The following CRYL1 variants were observed in gnomAD, a reference collection of about 807,000 sequenced individuals.
CRYL1 encodes lambda-crystallin homolog.
Under a neutral mutation model 36.6 loss-of-function variants are expected in CRYL1, and 29 were observed. That is an observed-to-expected ratio of 0.79 (90% CI 0.59 to 1.08). The LOEUF is 1.08. CRYL1 is among the 50% of genes least tolerant of loss of function. The pLI is 0.00. For synonymous variants in CRYL1, 152 were observed against 151.5 expected (o/e 1.00, Z -0.02); for missense variants, 411 against 407.9 (o/e 1.01, Z -0.06).
chr13:20,440,214 C>G (rs147026671), intron 3 of CRYL1, among the ~76,000 whole-genome samples: 7 of 152,316 alleles, frequency 4.6e-5, no homozygotes, highest in Admixed American at 2.0e-4. Flanking sequence ...AGAGGTTTCC[C>G]TGTGTCTTGG....
chr13:20,439,546 C>CAAAAAAAAAAAAAAAAAAA, intron 4 of CRYL1, 47 bp downstream of exon 4: 1 of 693,696 alleles, frequency 1.4e-6, no homozygotes. Flanking sequence ...AAAAAAAACA[C>CAAAAAAAAAAAAAAAAAAA]AGAATGAGAT....
At chr13:20,409,025 A>G (rs1187596981) in intron 6 of CRYL1, among the ~76,000 whole-genome samples, 1 of 152,194 alleles carries the variant, frequency 6.6e-6, no homozygotes, top group Non-Finnish European at 1.5e-5. Flanking sequence ...GAACCAAAAC[A>G]GAGCCCGCAT....
At chr13:20,460,673 C>A (rs1391004490) in intron 3 of CRYL1, among the ~76,000 whole-genome samples, 1 of 151,984 alleles carries the variant, frequency 6.6e-6, no homozygotes, top group African/African-American at 2.4e-5. Flanking sequence ...CTACAGGCGC[C>A]CGCCACTACG....
chr13:20,507,304 G>A (rs1224305789), intron 2 of CRYL1, among the ~76,000 whole-genome samples: 1 of 152,164 alleles, frequency 6.6e-6, no homozygotes, highest in East Asian at 1.9e-4. Context: ...AATCCATAAA[G>A]TTTTATTGGA....
At chr13:20,518,824 A>G (rs996687530) in intron 1 of CRYL1, among the ~76,000 whole-genome samples, 3 of 152,322 alleles carry the variant, frequency 2.0e-5, no homozygotes, top group Admixed American at 2.0e-4. Context: ...AGTACAGCCA[A>G]GAAGAATTGC....
rs2032189247 is a variant in CRYL1, at chr13:20,435,462, T to TCTCC, written c.439-3170_439-3167dup. Among the ~76,000 whole-genome samples, 1 of 151,816 alleles carries TCTCC rather than the reference T, an allele frequency of 6.6e-6. No individual in the cohort carries two copies. The highest frequency in any genetic ancestry group is 2.4e-5 in the African/African-American group (1 of 41,262). On this transcript the variant is annotated intron_variant, in intron 4 of 7. Transcript: ENST00000298248. This position sits in a 1 kb window ranked among gnomAD's most constrained non-coding sequence, Gnocchi z 4.0. ...AGCCGCCGCAAAAGGACCTTCGAGGTCTCCCGGCTGGGAAACAGTCTCCCT... is the reference window on the plus strand; with the variant it reads ...AGCCGCCGCAAAAGGACCTTCGAGGTCTCCCTCCCGGCTGGGAAACAGTCTCCCT...
At chr13:20,513,409 G>C (rs999250748) in intron 1 of CRYL1, 1 of 152,286 alleles carries the variant, frequency 6.6e-6, no homozygotes, top group African/African-American at 2.4e-5. Context: ...ATTTCAGCAT[G>C]GATTAGGTAT....
intron 5 of CRYL1, among the ~76,000 whole-genome samples, chr13:20,419,818 CAT>C (rs1405039208): frequency 3.9e-5 from 6 of 152,212 alleles, no homozygotes; most frequent in African/African-American, 7.2e-5. Flanking sequence ...ACTGTACCCA[CAT>C]GTTTTCGTTT....
rs1293925272 is a variant in CRYL1, at chr13:20,449,235, A to T, written c.277-9481T>A. Among the ~76,000 whole-genome samples, 3 of 152,328 alleles carry T rather than the reference A, an allele frequency of 2.0e-5. No homozygotes were observed. In the South Asian group the frequency reaches 6.2e-4, roughly 32 times the overall value. On this transcript the variant is annotated intron_variant, in intron 3 of 7. Coordinates refer to ENST00000298248, the MANE Select transcript of CRYL1 (RefSeq NM_015974.3). ...CAATTGCTCTAAAACATACCAAAAT[A>T]CTCAAAGCAAAAATAGCAGCAATGC...
At position 20,435,680 on chromosome 13, in the gene CRYL1, C is replaced by T. The variant is rs570817345; in HGVS notation, c.439-3384G>A. ...CGCCCCCGAAAGGGTTCGACAGATA[C>T]AACGGCAGCGCAGCGCAGGGGCCTG... On this transcript the variant is annotated intron_variant, in intron 4 of 7. Coordinates refer to ENST00000298248, the MANE Select transcript of CRYL1 (RefSeq NM_015974.3). The surrounding 1 kb of genome is among the most constrained non-coding windows in gnomAD (Gnocchi z 4.0). 6.6e-6 allele frequency among the ~76,000 whole-genome samples: 1 copy of T among 152,138 alleles called. No individual in the cohort carries two copies. The highest frequency in any genetic ancestry group is 2.4e-5 in the African/African-American group (1 of 41,438).
chr13:20,434,406 A>G (rs908890646), intron 4 of CRYL1, among the ~76,000 whole-genome samples: 1 of 152,218 alleles, frequency 6.6e-6, no homozygotes, highest in Non-Finnish European at 1.5e-5. Flanking sequence ...AAACGCACCA[A>G]TCAGCACTCT....
intron 1 of CRYL1, among the ~76,000 whole-genome samples, chr13:20,521,478 C>T (rs933519305): frequency 6.6e-6 from 1 of 152,120 alleles, no homozygotes; most frequent in African/African-American, 2.4e-5. Context: ...ACATCAGGCC[C>T]AAGAATAATT....
At chr13:20,406,561 G>C (rs1016887740) in intron 6 of CRYL1, among the ~76,000 whole-genome samples, 1 of 152,174 alleles carries the variant, frequency 6.6e-6, no homozygotes, top group African/African-American at 2.4e-5. Flanking sequence ...GAGCTTTCCA[G>C]CACTGGATAC....
intron 2 of CRYL1, among the ~76,000 whole-genome samples, chr13:20,505,514 CT>C (rs1305551040): frequency 6.6e-6 from 1 of 152,158 alleles, no homozygotes; most frequent in Non-Finnish European, 1.5e-5. Flanking sequence ...AAAACAATTG[CT>C]GAGCTAATAG....
chr13:20,495,446 T>C (rs1022838721), intron 2 of CRYL1, among the ~76,000 whole-genome samples: 1 of 152,190 alleles, frequency 6.6e-6, no homozygotes, highest in African/African-American at 2.4e-5. Context: ...TTTTAATTTT[T>C]TTTAATGTTT....
chr13:20,411,649 CCAT>C (rs1310684896), intron 6 of CRYL1, among the ~76,000 whole-genome samples: 1 of 152,214 alleles, frequency 6.6e-6, no homozygotes, highest in Non-Finnish European at 1.5e-5. Context: ...GTTGAAAACA[CCAT>C]TTGAAATGAT....
rs1397286906 is a variant in CRYL1, at chr13:20,432,225, G to A, written c.510C>T (p.Asp170=). 6.2e-7 allele frequency: 1 copy of A among 1,613,776 alleles called. No homozygotes were observed. Among genetic ancestry groups the A allele is most frequent in the East Asian group, 2.2e-5 (1 of 44,876 alleles). Residue 170 remains aspartate (D), a synonymous_variant, in exon 5 of 8, where the codon GAC becomes GAT. Coordinates refer to ENST00000298248, the MANE Select transcript of CRYL1 (RefSeq NM_015974.3). ...TCTTCTTCATCAGGGCGTGGGTTCTGTCCACTGTCGTAGGGGCCGTCTCCG... is the reference window on the plus strand; with the variant it reads ...TCTTCTTCATCAGGGCGTGGGTTCTATCCACTGTCGTAGGGGCCGTCTCCG... ...PHPETAPTTV[D]RTHALMKKIG...
chr13:20,411,588 A>T (rs1309880996), intron 6 of CRYL1, among the ~76,000 whole-genome samples: 1 of 152,224 alleles, frequency 6.6e-6, no homozygotes, highest in Non-Finnish European at 1.5e-5. Flanking sequence ...ATATATACAA[A>T]TCTATATACA....
chr13:20,443,336 T>A (rs1367337503), intron 3 of CRYL1, among the ~76,000 whole-genome samples: 1 of 152,134 alleles, frequency 6.6e-6, no homozygotes, highest in East Asian at 1.9e-4. Context: ...GAAAAAAAAA[T>A]TCTGTCAAGT....
Sources: allele counts gnomAD v4.1 joint callset (sites outside exome capture counted in the v4.1 genomes callset), GRCh38; gene constraint gnomAD v4.1.1; non-coding constraint Gnocchi (gnomAD v3.1); transcripts MANE v1.5; gene names NCBI Gene and HGNC (gene_info 2026-07-23, HGNC 2026-07-21).